Variants in H2BC4 observed in about 807,000 individuals in gnomAD.
The protein encoded by H2BC4 is histone H2B type 1-C/E/F/G/I.
H2BC4 carries 10 observed loss-of-function variants against 6.2 expected under a neutral mutation model. The ratio of observed to expected loss-of-function variants is 1.61; its 90% confidence interval spans 0.99 to 2.73. H2BC4 has a LOEUF of 2.73. Among genes scored for constraint, H2BC4 ranks in the 30% most tolerant of loss-of-function variants. The pLI is 0.00. For synonymous variants in H2BC4, 146 were observed against 70.7 expected (o/e 2.07, Z -5.35); for missense variants, 176 against 168.7 (o/e 1.04, Z -0.24).
downstream of H2BC4, among the ~76,000 whole-genome samples, chr6:26,122,293 C>T (rs1274202105): frequency 6.6e-6 from 1 of 152,096 alleles, no homozygotes; most frequent in Non-Finnish European, 1.5e-5. Flanking sequence ...ACCTAAATTA[C>T]ATGGTATTTA....
chr6:26,122,328 CTAATT>C (rs1763510709), downstream of H2BC4, among the ~76,000 whole-genome samples: 3 of 152,132 alleles, frequency 2.0e-5, no homozygotes, highest in Admixed American at 2.0e-4. Flanking sequence ...TGCTTTAACA[CTAATT>C]TTATTTATTG....
downstream of H2BC4, among the ~76,000 whole-genome samples, chr6:26,119,235 T>C (rs1318525894): frequency 6.6e-6 from 1 of 152,146 alleles, no homozygotes; most frequent in Non-Finnish European, 1.5e-5. Context: ...CAGTACGTGA[T>C]TTACAAATCT....
chr6:26,123,385 C>T (rs898472099), downstream of H2BC4: 2 of 1,406,686 alleles, frequency 1.4e-6, no homozygotes, highest in Non-Finnish European at 1.9e-6. Flanking sequence ...TTGTCCCCAC[C>T]CCTCTCCAGT....
Position 26,123,590 on chromosome 6 carries a change from T to C in H2BC4, c.315A>G (p.Gly105=), listed in dbSNP as rs149841603. 3.3e-5 allele frequency: 54 copies of C among 1,614,150 alleles called. No homozygotes were observed. In the Middle Eastern group the frequency reaches 6.6e-4, roughly 20 times the overall value. The part of the protein sequence containing the change: ...IQTAVRLLLP[G]ELAKHAVSEG... ...CCGACACGGCGTGCTTGGCCAGCTC[T>C]CCGGGAAGCAGCAGGCGCACGGCCG... The change falls in exon 1 of 1, where the codon GGA becomes GGG. Residue 105 remains glycine (G), a synonymous_variant. Transcript: ENST00000396984.
chr6:26,123,278 T>G, downstream of H2BC4: 2 of 638,614 alleles, frequency 3.1e-6, no homozygotes, highest in Non-Finnish European at 4.9e-6. Flanking sequence ...CTTGTCTCCA[T>G]TTTAAATTTA....
At chr6:26,120,915 A>C (rs1244771888), downstream of H2BC4, among the ~76,000 whole-genome samples, 1 of 152,220 alleles carries the variant, frequency 6.6e-6, no homozygotes, top group Admixed American at 6.5e-5. Flanking sequence ...AGTTATTGAG[A>C]CCAGACATTC....
At chr6:26,116,361 C>T (rs1487882150) in intron 1 of H2BC4, among the ~76,000 whole-genome samples, 2 of 152,094 alleles carry the variant, frequency 1.3e-5, no homozygotes, top group African/African-American at 2.4e-5. Flanking sequence ...AATCAGCAAA[C>T]CAAAGTCCCA....
chr6:26,115,101 T>TC (rs1357260589), exon 2 of H2BC4: 1 of 152,138 alleles, frequency 6.6e-6, no homozygotes, highest in African/African-American at 2.4e-5. Context: ...GTGACGACTG[T>TC]TGGAAAAGAT....
At chr6:26,116,504 G>A (rs1561953272) in intron 1 of H2BC4, among the ~76,000 whole-genome samples, 2 of 152,104 alleles carry the variant, frequency 1.3e-5, no homozygotes, top group Admixed American at 1.3e-4. Context: ...ACCAGCCTGG[G>A]CAACATAGTA....
chr6:26,117,281 T>A (rs1250135741), intron 1 of H2BC4, among the ~76,000 whole-genome samples: 1 of 152,200 alleles, frequency 6.6e-6, no homozygotes, highest in Non-Finnish European at 1.5e-5. Context: ...GTAAAGATGG[T>A]TATAAATAAA....
At chr6:26,123,120 G>A (rs1462255519), downstream of H2BC4, among the ~76,000 whole-genome samples, 4 of 152,106 alleles carry the variant, frequency 2.6e-5, no homozygotes, top group Non-Finnish European at 5.9e-5. Context: ...AAAATGACAG[G>A]ACAGCCTATT....
downstream of H2BC4, among the ~76,000 whole-genome samples, chr6:26,119,155 C>A (rs1437893353): frequency 6.6e-6 from 1 of 151,888 alleles, no homozygotes; most frequent in Admixed American, 6.6e-5. Flanking sequence ...CAATTGTGTT[C>A]CCGCATAGGC....
downstream of H2BC4, among the ~76,000 whole-genome samples, chr6:26,119,923 A>C (rs572854169): frequency 6.6e-6 from 1 of 152,234 alleles, no homozygotes; most frequent in South Asian, 2.1e-4. Context: ...TTTACAAAAT[A>C]CTTTAAGCTG....
chr6:26,123,332 C>T (rs1581412819), downstream of H2BC4: 10 of 1,001,978 alleles, frequency 1.0e-5, no homozygotes, highest in Non-Finnish European at 1.4e-5. Flanking sequence ...TGGCTGGCTT[C>T]TTTCGGGTTC....
chr6:26,114,615 AACAAAGATTTATGT>A (rs1354303742), downstream of H2BC4, among the ~76,000 whole-genome samples: 2 of 152,090 alleles, frequency 1.3e-5, no homozygotes, highest in African/African-American at 4.8e-5. Context: ...ATAATATTTG[AACAAAGATTTATGT>A]ACAAAGATGT....
chr6:26,120,020 A>G (rs1215549687), downstream of H2BC4, among the ~76,000 whole-genome samples: 1 of 152,090 alleles, frequency 6.6e-6, no homozygotes, highest in East Asian at 1.9e-4. Context: ...AAGCACAAGG[A>G]AAATTTTTGA....
chr6:26,120,148 C>T (rs1150662), downstream of H2BC4, among the ~76,000 whole-genome samples: 5,830 of 152,052 alleles, frequency 0.038, 391 homozygotes, highest in African/African-American at 0.13. Context: ...GATAATTTCA[C>T]AATTATTTAA....
chr6:26,116,884 A>ACT (rs1763428179), intron 1 of H2BC4, among the ~76,000 whole-genome samples: 1 of 152,156 alleles, frequency 6.6e-6, no homozygotes, highest in Non-Finnish European at 1.5e-5. Flanking sequence ...ACAGTGGTAT[A>ACT]CTCTACTCAA....
chr6:26,123,656 A>C lies in H2BC4; in HGVS notation c.249T>G (p.His83Gln). The C allele has an allele frequency of 1.9e-6, 3 of 1,614,254 alleles. No individual in the cohort carries two copies. The highest frequency in any genetic ancestry group is 1.1e-5 in the South Asian group (1 of 91,090). ...RIAGEASRLA[H>Q]YNKRSTITSR... Reference sequence around the variant, plus strand: ...AGGTGATGGTCGAGCGCTTGTTGTAATGCGCCAGGCGGGAAGCCTCGCCCG... The same window carrying C: ...AGGTGATGGTCGAGCGCTTGTTGTACTGCGCCAGGCGGGAAGCCTCGCCCG... The change falls in exon 1 of 1, where the codon CAT becomes CAG. Residue 83 changes from histidine (H) to glutamine (Q), a missense_variant. By Grantham distance (24) the His-to-Gln change is conservative. Coordinates refer to ENST00000396984, the MANE Select transcript of H2BC4 (RefSeq NM_003526.3).
Sources: gnomAD v4.1 joint callset for allele counts (sites outside exome capture counted in the v4.1 genomes callset) on GRCh38, gnomAD v4.1.1 for gene constraint, MANE v1.5 for transcripts, NCBI Gene and HGNC (gene_info 2026-07-23, HGNC 2026-07-21) for gene names.